The following PTPRD variants were observed in gnomAD, a reference collection of about 807,000 sequenced individuals.
The protein encoded by PTPRD is protein tyrosine phosphatase receptor type D, also known as receptor-type tyrosine-protein phosphatase delta.
Under a neutral mutation model 214.5 loss-of-function variants are expected in PTPRD, and 34 were observed. The ratio of observed to expected loss-of-function variants is 0.16; its 90% CI spans 0.12 to 0.21. The LOEUF (loss-of-function observed/expected upper bound fraction) is 0.21. Among genes scored for constraint, PTPRD ranks in the 10% least tolerant of loss-of-function variants. PTPRD has a pLI of 1.00. For synonymous variants in PTPRD, 1,128 were observed against 845.7 expected, an observed-to-expected ratio of 1.33 and a Z score of -5.79; for missense variants, 2,545 against 2,398.7, an observed-to-expected ratio of 1.06 and a Z score of -1.27.
At chr9:9,312,101 C>T (rs921982519) in intron 9 of PTPRD, among the ~76,000 whole-genome samples, 1 of 152,066 alleles carries the variant, frequency 6.6e-6, no homozygotes, top group African/African-American at 2.4e-5. Flanking sequence ...TTAGTTAGTG[C>T]CTCACAGATC....
intron 5 of PTPRD, among the ~76,000 whole-genome samples, chr9:9,782,175 A>G (rs1330742905): frequency 6.6e-6 from 1 of 152,074 alleles, no homozygotes; most frequent in African/African-American, 2.4e-5. Context: ...AAATTTTCAT[A>G]ATATCCTACA....
intron 10 of PTPRD, among the ~76,000 whole-genome samples, chr9:9,165,694 T>C (rs1468049920): frequency 6.6e-6 from 1 of 152,178 alleles, no homozygotes; most frequent in Non-Finnish European, 1.5e-5. Context: ...GATAGCAATG[T>C]GTACATTTCA....
intron 2 of PTPRD, among the ~76,000 whole-genome samples, chr9:10,368,125 G>T (rs777410255): frequency 6.6e-6 from 1 of 152,054 alleles, no homozygotes; most frequent in East Asian, 1.9e-4. Flanking sequence ...GGCTATATGT[G>T]CTGCCTTTGA....
At chr9:10,341,622 T>C (rs539337394) in intron 2 of PTPRD, among the ~76,000 whole-genome samples, 2 of 152,132 alleles carry the variant, frequency 1.3e-5, no homozygotes, top group African/African-American at 4.8e-5. Context: ...CAAGAAATCA[T>C]GTAAGAAATG....
chr9:8,805,261 G>C (rs1029390259), intron 11 of PTPRD, among the ~76,000 whole-genome samples: 4 of 152,154 alleles, frequency 2.6e-5, no homozygotes, highest in Non-Finnish European at 5.9e-5. Flanking sequence ...CCAAAAATTT[G>C]AGTAGCTCAA....
intron 8 of PTPRD, among the ~76,000 whole-genome samples, chr9:9,499,244 C>T (rs1338877035): frequency 6.6e-6 from 1 of 151,906 alleles, no homozygotes; most frequent in Non-Finnish European, 1.5e-5. Flanking sequence ...TGATGTTATC[C>T]CCTTTTTAAT....
intron 14 of PTPRD, among the ~76,000 whole-genome samples, chr9:8,575,850 A>T (rs2092276304): frequency 6.6e-6 from 1 of 152,210 alleles, no homozygotes; most frequent in Admixed American, 6.5e-5. Flanking sequence ...CCATGTGCTA[A>T]ACACTGCACA....
intron 10 of PTPRD, among the ~76,000 whole-genome samples, chr9:9,111,252 C>CT (rs35720054): frequency 0.12 from 16,005 of 132,710 alleles, 1,170 homozygotes; most frequent in East Asian, 0.21. Context: ...GTGGAAATAC[C>CT]TTTTTTTTTT....
intron 12 of PTPRD, among the ~76,000 whole-genome samples, chr9:8,665,567 T>A (rs1373973198): frequency 6.6e-6 from 1 of 152,204 alleles, no homozygotes; most frequent in African/African-American, 2.4e-5. Context: ...CAGATATTAT[T>A]AGACATTCAT....
intron 10 of PTPRD, among the ~76,000 whole-genome samples, chr9:9,113,302 C>T (rs1340252871): frequency 6.6e-6 from 1 of 151,984 alleles, no homozygotes; most frequent in Non-Finnish European, 1.5e-5. Flanking sequence ...ATGAAATTAT[C>T]TATTGCATCC....
chr9:9,043,592 T>C (rs895378137), intron 10 of PTPRD, among the ~76,000 whole-genome samples: 2 of 151,862 alleles, frequency 1.3e-5, no homozygotes, highest in Non-Finnish European at 1.5e-5. Context: ...CCTTAGAAAA[T>C]GAAAGGAAAA....
In PTPRD at chr9:9,977,192, C is replaced by T. The variant is rs987612796; in HGVS notation, c.-471-38582G>A. 2.0e-5 allele frequency among the ~76,000 whole-genome samples: 3 copies of T among 152,250 alleles called. No individual in the cohort carries two copies. In the South Asian group the frequency reaches 6.2e-4, roughly 32 times the overall value. On this transcript the variant is annotated intron_variant, in intron 4 of 45. Transcript: ENST00000381196. ...GCTCAGGACCTTGATAGGTGGATTC[C>T]CAGCTCTGCTACTATTTGTGACGTA...
At chr9:9,718,316 T>C (rs1307620508) in intron 7 of PTPRD, among the ~76,000 whole-genome samples, 6 of 152,140 alleles carry the variant, frequency 3.9e-5, no homozygotes, top group Admixed American at 6.5e-5. Context: ...ATTGTATGCA[T>C]TGAAGTAAAA....
intron 2 of PTPRD, among the ~76,000 whole-genome samples, chr9:10,541,566 AATT>A (rs1256804071): frequency 6.6e-6 from 1 of 151,876 alleles, no homozygotes; most frequent in Non-Finnish European, 1.5e-5. Context: ...AAATAAAAAT[AATT>A]GTGTCAATAA....
chr9:8,795,707 T>G (rs992666013), intron 11 of PTPRD, among the ~76,000 whole-genome samples: 3 of 152,118 alleles, frequency 2.0e-5, no homozygotes, highest in Non-Finnish European at 2.9e-5. Flanking sequence ...GTCCAAAAAT[T>G]TTAGAGTTAG....
At chr9:10,060,754 G>T (rs1480878415) in intron 3 of PTPRD, among the ~76,000 whole-genome samples, 1 of 151,332 alleles carries the variant, frequency 6.6e-6, no homozygotes, top group Non-Finnish European at 1.5e-5. Flanking sequence ...CCCACCATCA[G>T]CATACCAATC....
intron 11 of PTPRD, among the ~76,000 whole-genome samples, chr9:8,775,317 T>C (rs1410082995): frequency 6.6e-6 from 1 of 152,182 alleles, no homozygotes; most frequent in Non-Finnish European, 1.5e-5. Context: ...AATTAAAATG[T>C]TGCCTAAGCT....
chr9:8,596,382 A>C (rs1404227629), intron 14 of PTPRD, among the ~76,000 whole-genome samples: 1 of 152,024 alleles, frequency 6.6e-6, no homozygotes, highest in Non-Finnish European at 1.5e-5. Context: ...TCTGGGGAAG[A>C]TCTGAAAAAA....
In PTPRD at chr9:8,956,051, T is replaced by C. The variant is rs1006398143; in HGVS notation, c.-104+62646A>G. On this transcript the variant is annotated intron_variant, in intron 11 of 45. Coordinates refer to ENST00000381196, the MANE Select transcript of PTPRD (RefSeq NM_002839.4). The stretch of plus-strand genomic sequence containing the variant: ...TAAGAAGTTATACTTGGTAAGACTT[T>C]GCAACAAAGCTGAATTATGGTGGAA... 2.6e-5 allele frequency among the ~76,000 whole-genome samples: 4 copies of C among 151,932 alleles called. No individual in the cohort carries two copies. In the South Asian group the frequency reaches 8.3e-4, roughly 31 times the overall value.
Sources: allele counts gnomAD v4.1 joint callset (sites outside exome capture counted in the v4.1 genomes callset), GRCh38; gene constraint gnomAD v4.1.1; transcripts MANE v1.5; gene names NCBI Gene and HGNC (gene_info 2026-07-23, HGNC 2026-07-21).